SPMAP1: variants seen among roughly 807,000 people sequenced by gnomAD.
SPMAP1 encodes the protein uncharacterized protein C17orf98.
At chr17:38,841,387 C>T in the SPMAP1 span, 3 of 1,613,764 alleles carry the variant, frequency 1.9e-6, no homozygotes, top group Admixed American at 3.3e-5. Context: ...TCAGGTACGC[C>T]ATCCCAACCA....
At chr17:38,837,779 C>T in the SPMAP1 span, among the ~76,000 whole-genome samples, 1 of 152,258 alleles carries the variant, frequency 6.6e-6, no homozygotes, top group East Asian at 1.9e-4. Context: ...TTTCTGCTGC[C>T]AGACAGGCTG....
the SPMAP1 span, among the ~76,000 whole-genome samples, chr17:38,838,958 C>T: frequency 7.3e-5 from 11 of 150,736 alleles, no homozygotes; most frequent in South Asian, 6.3e-4. Context: ...TGGTGGCGGG[C>T]GCTTGTAATC....
At chr17:38,836,581 CTTTCTTTTTTTTTTTTTTT>C in the SPMAP1 span, among the ~76,000 whole-genome samples, 1 of 97,400 alleles carries the variant, frequency 1.0e-5, no homozygotes, top group East Asian at 4.4e-4. Context: ...TTCTTTCTTT[CTTTCTTTTTTTTTTTTTTT>C]TTTTTTTTGA....
At chr17:38,841,407 C>T in the SPMAP1 span, 1 of 1,612,380 alleles carries the variant, frequency 6.2e-7, no homozygotes, top group East Asian at 2.2e-5. Flanking sequence ...ACCGTAGCCT[C>T]GGAGGGCCTT....
chr17:38,838,721 G>A, the SPMAP1 span, among the ~76,000 whole-genome samples: 1 of 152,160 alleles, frequency 6.6e-6, no homozygotes, highest in Non-Finnish European at 1.5e-5. Flanking sequence ...CAAGGCTGCA[G>A]TGAGCTGTGC....
chr17:38,837,492 C>A, the SPMAP1 span, among the ~76,000 whole-genome samples: 1 of 152,120 alleles, frequency 6.6e-6, no homozygotes, highest in Non-Finnish European at 1.5e-5. Context: ...GCCTTGCCAA[C>A]ATGGTGAAAC....
chr17:38,836,408 G>A, the SPMAP1 span, among the ~76,000 whole-genome samples: 13 of 152,066 alleles, frequency 8.5e-5, no homozygotes, highest in African/African-American at 2.9e-4. Flanking sequence ...CAAGACCAGC[G>A]TGGGCCACAT....
chr17:38,840,362 A>G, the SPMAP1 span, among the ~76,000 whole-genome samples: 11 of 152,248 alleles, frequency 7.2e-5, no homozygotes, highest in South Asian at 2.3e-3. Context: ...ACAAAAGACA[A>G]AGACACCGAC....
chr17:38,841,301 C>T, the SPMAP1 span: 3 of 1,614,190 alleles, frequency 1.9e-6, no homozygotes, highest in East Asian at 2.2e-5. Flanking sequence ...CCTAGAGCGC[C>T]CATAAGCGCG....
the SPMAP1 span, among the ~76,000 whole-genome samples, chr17:38,838,129 C>G: frequency 6.6e-6 from 1 of 151,990 alleles, no homozygotes; most frequent in South Asian, 2.1e-4. Context: ...GTGATCCACC[C>G]GCCTCGGCCT....
chr17:38,839,741 A>T, the SPMAP1 span, among the ~76,000 whole-genome samples: 1 of 151,972 alleles, frequency 6.6e-6, no homozygotes, highest in Non-Finnish European at 1.5e-5. Flanking sequence ...CAGAGCTTGC[A>T]GTGAGCCGAG....
the SPMAP1 span, chr17:38,835,361 G>A: frequency 1.4e-5 from 23 of 1,613,908 alleles, no homozygotes; most frequent in Non-Finnish European, 1.8e-5. Context: ...GGGACAAGGA[G>A]AGAGAGGCCT....
the SPMAP1 span, among the ~76,000 whole-genome samples, chr17:38,836,387 G>A: frequency 6.6e-6 from 1 of 152,096 alleles, no homozygotes; most frequent in East Asian, 1.9e-4. Context: ...GATCACTTGA[G>A]CCTAGGAGTT....
chr17:38,836,589 T>C, the SPMAP1 span, among the ~76,000 whole-genome samples: 7 of 30,624 alleles, frequency 2.3e-4, no homozygotes, highest in Non-Finnish European at 2.9e-4. Context: ...TTCTTTCTTT[T>C]TTTTTTTTTT....
chr17:38,838,471 A>T, the SPMAP1 span, among the ~76,000 whole-genome samples: 19 of 151,938 alleles, frequency 1.3e-4, no homozygotes, highest in African/African-American at 4.6e-4. Context: ...GTAGTGGCTC[A>T]TGCCTGTAAT....
At chr17:38,841,339 C>T in the SPMAP1 span, 1 of 1,614,212 alleles carries the variant, frequency 6.2e-7, no homozygotes, top group African/African-American at 1.3e-5. Flanking sequence ...CCACCCCGTC[C>T]AAGATAAAGC....
chr17:38,838,798 T>C, the SPMAP1 span, among the ~76,000 whole-genome samples: 2 of 150,958 alleles, frequency 1.3e-5, no homozygotes, highest in African/African-American at 4.9e-5. Flanking sequence ...GAAAGCCTTT[T>C]TCAAGGCCGG....
chr17:38,839,794 C>T, the SPMAP1 span, among the ~76,000 whole-genome samples: 7 of 151,260 alleles, frequency 4.6e-5, no homozygotes, highest in African/African-American at 9.7e-5. Flanking sequence ...AGCGAGACTC[C>T]GTCTCAAAAA....
the SPMAP1 span, chr17:38,837,366 GCAGA>G: frequency 1.4e-5 from 10 of 717,778 alleles, no homozygotes; most frequent in Middle Eastern, 2.4e-4. Context: ...GGTAACTGGT[GCAGA>G]CAGATTAAAT....
Sources: gnomAD v4.1 joint callset for allele counts (sites outside exome capture counted in the v4.1 genomes callset) on GRCh38, gnomAD v4.1.1 for gene constraint, MANE v1.5 for transcripts, NCBI Gene and HGNC (gene_info 2026-07-23, HGNC 2026-07-21) for gene names.